Variants in PTAFR observed in about 807,000 individuals in gnomAD.
PTAFR encodes the protein platelet-activating factor receptor.
A neutral mutation model predicts 14.7 loss-of-function variants in PTAFR; 8 were observed. The ratio of observed to expected loss-of-function variants is 0.54; its 90% CI spans 0.32 to 0.98. PTAFR has a LOEUF of 0.98. PTAFR is among the 50% of genes least tolerant of loss of function. The pLI is 0.04. For missense variants in PTAFR, 337 were observed against 451.2 expected, an observed-to-expected ratio of 0.75 and a Z score of 2.29; for synonymous variants, 156 against 176.5, an observed-to-expected ratio of 0.88 and a Z score of 0.92.
chr1:28,158,559 G>A (rs1206996621), intron 1 of PTAFR, among the ~76,000 whole-genome samples: 1 of 152,162 alleles, frequency 6.6e-6, no homozygotes, highest in Non-Finnish European at 1.5e-5. Context: ...TTAGCCGGGT[G>A]TGGTGGCACG....
At chr1:28,158,547 A>C (rs750142434) in intron 1 of PTAFR, among the ~76,000 whole-genome samples, 7 of 152,154 alleles carry the variant, frequency 4.6e-5, no homozygotes, top group African/African-American at 7.2e-5. Flanking sequence ...AAAATACAAA[A>C]ATTAGCCGGG....
Position 28,149,298 on chromosome 1 carries a change from C to G in PTAFR, c.*695G>C, listed in dbSNP as rs1159203284. ...TGTCCTTTCCTAACCCAGTCTACCT[C>G]TATCACTTGAGAGTAGTTGCCCAAA... On this transcript the variant is annotated 3_prime_UTR_variant, in exon 2 of 2. Coordinates refer to ENST00000373857, the MANE Select transcript of PTAFR (RefSeq NM_000952.5). 1 of 138,240 alleles carries G rather than the reference C, an allele frequency of 7.2e-6. No individual in the cohort carries two copies. Among genetic ancestry groups the G allele is most frequent in the African/African-American group, 2.7e-5 (1 of 37,230 alleles). 8.6% of individuals were successfully genotyped at this position (138,240 alleles called of 1,614,324 possible).
chr1:28,167,787 CG>C (rs985662981), intron 1 of PTAFR, among the ~76,000 whole-genome samples: 2 of 150,684 alleles, frequency 1.3e-5, no homozygotes, highest in Non-Finnish European at 3.0e-5. Flanking sequence ...TACAGGCACC[CG>C]CCACCTCGCC....
chr1:28,156,763 T>C (rs1646267926), intron 1 of PTAFR, among the ~76,000 whole-genome samples: 1 of 152,206 alleles, frequency 6.6e-6, no homozygotes, highest in African/African-American at 2.4e-5. Context: ...GATCCCAAGA[T>C]GCCCAGTTCA....
In PTAFR at chr1:28,190,158, G is replaced by T. The variant is rs1282442826; in HGVS notation, c.-39+3564C>A. ...CGGCTAATTTTGTATTTTTAGTAGA[G>T]ACGGGGTTTCTCCATGTTGGTCACG... is the stretch of plus-strand genomic sequence containing the variant. On this transcript the variant is annotated intron_variant, in intron 1 of 1. Coordinates refer to the PTAFR transcript ENST00000305392. Among the ~76,000 whole-genome samples, 5 of 151,584 alleles carry T rather than the reference G, an allele frequency of 3.3e-5. 1 individual carries two copies. In the East Asian group the frequency reaches 9.7e-4, roughly 29 times the overall value.
intron 1 of PTAFR, among the ~76,000 whole-genome samples, chr1:28,172,794 A>G (rs1349576598): frequency 6.6e-6 from 1 of 152,176 alleles, no homozygotes; most frequent in Non-Finnish European, 1.5e-5. Context: ...TCACCCACAT[A>G]TCTTGACTGA....
At chr1:28,170,325 A>G (rs1478760525) in intron 1 of PTAFR, among the ~76,000 whole-genome samples, 1 of 151,996 alleles carries the variant, frequency 6.6e-6, no homozygotes, top group Non-Finnish European at 1.5e-5. Context: ...TTCGCTTCCA[A>G]ACTCTCACAC....
intron 1 of PTAFR, among the ~76,000 whole-genome samples, chr1:28,189,054 C>T (rs1646629713): frequency 6.6e-6 from 1 of 152,256 alleles, no homozygotes; most frequent in African/African-American, 2.4e-5. Context: ...ACTCTCATTA[C>T]CCTGCCAAAA....
At chr1:28,152,865 C>A (rs1646210468) in intron 1 of PTAFR, among the ~76,000 whole-genome samples, 1 of 152,122 alleles carries the variant, frequency 6.6e-6, no homozygotes, top group Non-Finnish European at 1.5e-5. Flanking sequence ...AAGGATACAC[C>A]TCAAATAGTT....
chr1:28,170,728 C>T (rs961023837), intron 1 of PTAFR, among the ~76,000 whole-genome samples: 14 of 148,686 alleles, frequency 9.4e-5, no homozygotes, highest in African/African-American at 2.2e-4. Flanking sequence ...GGGCCCGGCG[C>T]GGTGGCTCAC....
chr1:28,178,079 G>A (rs1646532670), upstream of PTAFR, among the ~76,000 whole-genome samples: 1 of 152,026 alleles, frequency 6.6e-6, no homozygotes, highest in Admixed American at 6.6e-5. Context: ...TACACAGAGA[G>A]GGAAACTGAG....
chr1:28,193,430 G>A (rs1646672853), intron 1 of PTAFR, among the ~76,000 whole-genome samples: 1 of 152,092 alleles, frequency 6.6e-6, no homozygotes, highest in African/African-American at 2.4e-5. Context: ...GGTCTGTTGT[G>A]TGTTGTGAAG....
chr1:28,166,063 A>C (rs1392235630), intron 1 of PTAFR, among the ~76,000 whole-genome samples: 1 of 152,238 alleles, frequency 6.6e-6, no homozygotes, highest in Non-Finnish European at 1.5e-5. Context: ...AAAACATATT[A>C]CAAAGCTACA....
At chr1:28,155,947 C>T (rs1266760396) in intron 1 of PTAFR, among the ~76,000 whole-genome samples, 2 of 151,920 alleles carry the variant, frequency 1.3e-5, no homozygotes, top group Non-Finnish European at 2.9e-5. Context: ...CTACTATATG[C>T]GGGGCTTTGA....
intron 1 of PTAFR, among the ~76,000 whole-genome samples, chr1:28,186,966 CT>C (rs2149008421): frequency 6.6e-6 from 1 of 152,028 alleles, no homozygotes; most frequent in East Asian, 1.9e-4. Context: ...GTATTTTTTT[CT>C]TTTATACCAA....
intron 1 of PTAFR, among the ~76,000 whole-genome samples, chr1:28,187,526 A>G (rs1646616781): frequency 6.6e-6 from 1 of 152,146 alleles, no homozygotes; most frequent in Admixed American, 6.5e-5. Context: ...TTTTTTTTTA[A>G]GACAGAGTCT....
intron 1 of PTAFR, among the ~76,000 whole-genome samples, chr1:28,172,445 C>T (rs533880561): frequency 2.6e-5 from 4 of 152,180 alleles, no homozygotes; most frequent in African/African-American, 4.8e-5. Flanking sequence ...CAGGCCCTGG[C>T]GTCACACAGA....
In PTAFR at chr1:28,147,638, G is replaced by T. The variant is rs1240428488; in HGVS notation, c.*2355C>A. On this transcript the variant is annotated 3_prime_UTR_variant, in exon 2 of 2. Transcript: ENST00000373857. Reference sequence around the variant, plus strand: ...CAGGGTTTCTATGTGTTCAGGTAAGGGACCTGCAAAGCCTGAACAGCCTCC... The same window carrying T: ...CAGGGTTTCTATGTGTTCAGGTAAGTGACCTGCAAAGCCTGAACAGCCTCC... The T allele has an allele frequency of 2.0e-5, 3 of 152,094 alleles. No individual in the cohort carries two copies. The highest frequency in any genetic ancestry group is 4.4e-5 in the Non-Finnish European group (3 of 68,022). The allele number at this position is 152,094 out of a possible 1,614,324, so 9.4% of individuals were successfully genotyped here. A position where few individuals can be genotyped will look rare whatever the true frequency, so the allele number is the denominator to read the frequency against.
intron 1 of PTAFR, among the ~76,000 whole-genome samples, chr1:28,162,882 G>T (rs752931725): frequency 1.3e-5 from 2 of 149,068 alleles, no homozygotes; most frequent in Non-Finnish European, 3.0e-5. Flanking sequence ...ATTCCCAGGC[G>T]ATTCGTGCAC....
Sources: gnomAD v4.1 joint callset for allele counts (sites outside exome capture counted in the v4.1 genomes callset) on GRCh38, gnomAD v4.1.1 for gene constraint, MANE v1.5 for transcripts, NCBI Gene and HGNC (gene_info 2026-07-23, HGNC 2026-07-21) for gene names.